The following SHOC2 variants were observed in gnomAD, a reference collection of about 807,000 sequenced individuals.
SHOC2 encodes SHOC2 leucine rich repeat scaffold protein, also known as leucine-rich repeat protein SHOC-2.
A neutral mutation model predicts 50.2 loss-of-function variants in SHOC2; 4 were observed. The ratio of observed to expected loss-of-function variants is 0.08; its 90% CI spans 0.04 to 0.18. The LOEUF (loss-of-function observed/expected upper bound fraction) is 0.18, where lower values mean the gene tolerates loss of function less well. Ranked by LOEUF, SHOC2 falls within the 10% of genes least tolerant of loss-of-function variation. The pLI, the probability that SHOC2 is intolerant of heterozygous loss-of-function variation, is 1.00. For missense variants in SHOC2, 388 were observed against 669.6 expected (o/e 0.58, Z 4.64); for synonymous variants, 218 against 244.5 (o/e 0.89, Z 1.01).
At chr10:110,928,297 A>G (rs1312061885) in intron 1 of SHOC2, among the ~76,000 whole-genome samples, 1 of 152,072 alleles carries the variant, frequency 6.6e-6, no homozygotes, top group African/African-American at 2.4e-5. Context: ...AGCCTGGGCA[A>G]CAAACAAGCA....
At chr10:111,005,968 A>G (rs1476997402) in intron 5 of SHOC2, among the ~76,000 whole-genome samples, 1 of 152,230 alleles carries the variant, frequency 6.6e-6, no homozygotes, top group Non-Finnish European at 1.5e-5. Context: ...TAAGTAAACT[A>G]ATGGAAATTC....
intron 1 of SHOC2, among the ~76,000 whole-genome samples, chr10:110,935,387 A>C (rs1846986784): frequency 6.6e-6 from 1 of 152,224 alleles, no homozygotes; most frequent in Non-Finnish European, 1.5e-5. Context: ...TTGTTGCCTC[A>C]TTCTTTTTAT....
intron 2 of SHOC2, among the ~76,000 whole-genome samples, chr10:110,966,003 G>T (rs1847667761): frequency 6.6e-6 from 1 of 151,956 alleles, no homozygotes; most frequent in Non-Finnish European, 1.5e-5. Context: ...AATTTATTCT[G>T]AGAAAAATAA....
At chr10:111,003,852 G>A (rs757726249) in intron 4 of SHOC2, among the ~76,000 whole-genome samples, 16 of 152,080 alleles carry the variant, frequency 1.1e-4, no homozygotes, top group South Asian at 6.2e-4. Context: ...ATATACGGTC[G>A]TATATTATTT....
At chr10:110,986,140 G>A (rs767223634) in intron 3 of SHOC2, among the ~76,000 whole-genome samples, 3 of 152,064 alleles carry the variant, frequency 2.0e-5, no homozygotes, top group Non-Finnish European at 4.4e-5. Flanking sequence ...TAAAACCATT[G>A]CTATTTAGTT....
At chr10:110,921,463 A>G (rs1846648998) in intron 1 of SHOC2, among the ~76,000 whole-genome samples, 1 of 152,216 alleles carries the variant, frequency 6.6e-6, no homozygotes, top group African/African-American at 2.4e-5. Context: ...ATAAAACAAT[A>G]TTGAAATCCC....
Position 111,011,881 on chromosome 10 carries a change from A to G in SHOC2, c.*63A>G. Reference sequence around the variant, plus strand: ...ACTGCCATTAATGTTTCTTATCTATATCTGTATCTATTTATGTAGATATTG... The same window carrying G: ...ACTGCCATTAATGTTTCTTATCTATGTCTGTATCTATTTATGTAGATATTG... On this transcript the variant is annotated 3_prime_UTR_variant, in exon 9 of 9. Transcript: ENST00000369452. 7.9e-7 allele frequency: 1 copy of G among 1,268,258 alleles called. No homozygotes were observed. The highest frequency in any genetic ancestry group is 1.2e-6 in the Non-Finnish European group (1 of 869,330). The allele number at this position is 1,268,258 out of a possible 1,614,324, so 78.6% of individuals were successfully genotyped here. A position where few individuals can be genotyped will look rare whatever the true frequency, so the allele number is the denominator to read the frequency against.
At chr10:110,983,810 T>C (rs1458968274) in intron 2 of SHOC2, among the ~76,000 whole-genome samples, 1 of 152,196 alleles carries the variant, frequency 6.6e-6, no homozygotes, top group Non-Finnish European at 1.5e-5. Context: ...TGGTTTATAA[T>C]GTTTTCCAGG....
chr10:110,972,004 C>T (rs1242400138), intron 2 of SHOC2, among the ~76,000 whole-genome samples: 1 of 151,584 alleles, frequency 6.6e-6, no homozygotes, highest in African/African-American at 2.4e-5. Flanking sequence ...AATTTAACTC[C>T]TATTATGTAA....
chr10:110,929,812 A>T (rs1483726788), intron 1 of SHOC2, among the ~76,000 whole-genome samples: 1 of 152,204 alleles, frequency 6.6e-6, no homozygotes, highest in Non-Finnish European at 1.5e-5. Flanking sequence ...CAGCATAAGA[A>T]TTTGGGAAGG....
At chr10:110,943,970 C>T (rs918728049) in intron 1 of SHOC2, among the ~76,000 whole-genome samples, 11 of 152,178 alleles carry the variant, frequency 7.2e-5, no homozygotes, top group Admixed American at 5.2e-4. Flanking sequence ...TCGTCTTTTG[C>T]CCCAACTTTG....
Position 110,919,667 on chromosome 10 carries a change from G to T in SHOC2, c.-235+10G>T, listed in dbSNP as rs976167958. 2 of 398,716 alleles carry T rather than the reference G, an allele frequency of 5.0e-6. No individual in the cohort carries two copies. The highest frequency in any genetic ancestry group is 8.8e-6 in the Non-Finnish European group (2 of 226,330). 24.7% of individuals were successfully genotyped at this position (398,716 alleles called of 1,614,324 possible). A position where few individuals can be genotyped will look rare whatever the true frequency, so the allele number is the denominator to read the frequency against. ...GTCGGGGCTCCTGACGGTAACTCGG[G>T]GCCGATGAGGCGGAGGGTGTCTGTT... On this transcript the variant is annotated intron_variant, in intron 1 of 8. Transcript: ENST00000369452.
intron 2 of SHOC2, among the ~76,000 whole-genome samples, chr10:110,983,326 A>G (rs970097027): frequency 6.6e-6 from 1 of 151,764 alleles, no homozygotes; most frequent in Non-Finnish European, 1.5e-5. Context: ...TTATTGATTT[A>G]TACTCTTATT....
intron 3 of SHOC2, chr10:110,989,062 T>C: frequency 2.0e-6 from 1 of 496,458 alleles, no homozygotes; most frequent in South Asian, 1.5e-5. Context: ...TGATATATTA[T>C]TGACTTCTAA....
chr10:110,970,951 A>T (rs1193131811), intron 2 of SHOC2, among the ~76,000 whole-genome samples: 1 of 152,052 alleles, frequency 6.6e-6, no homozygotes, highest in Non-Finnish European at 1.5e-5. Context: ...GTTCTTGTAT[A>T]TTAATCTATT....
Position 111,007,573 on chromosome 10 carries a change from A to G in SHOC2, c.1204A>G (p.Thr402Ala). ...TSLPLDFGTW[T>A]SMVELNLATN... ...ACTTCCCTTGGATTTTGGAACTTGG[A>G]CCAGTATGGTAGAATTGAATTTAGC... Residue 402 changes from threonine (T) to alanine (A), a missense_variant, in exon 6 of 9, where the codon ACC becomes GCC. Physicochemically the swap from Thr to Ala is moderately conservative, Grantham distance 58. This residue lies in a region of SHOC2 where 130 missense variants were observed against 208.6 expected (regional missense o/e 0.62). Coordinates refer to ENST00000369452, the MANE Select transcript of SHOC2 (RefSeq NM_007373.4). The G allele has an allele frequency of 6.2e-7, 1 of 1,613,724 alleles. No homozygotes were observed. The highest frequency in any genetic ancestry group is 1.3e-5 in the African/African-American group (1 of 75,026).
rs763178456 is a variant in SHOC2 at position 110,936,604 on chromosome 10, T to TTTTTTTTTTTTTTA, written c.-235+16947_-235+16948insTTTTTTTTTTTTTA. The TTTTTTTTTTTTTTA allele has an allele frequency of 1.4e-5, 11 of 762,104 alleles. 1 individual carries two copies. The highest frequency in any genetic ancestry group is 1.1e-4 in the East Asian group (4 of 35,420). 47.2% of individuals were successfully genotyped at this position (762,104 alleles called of 1,614,324 possible). On this transcript the variant is annotated intron_variant, in intron 1 of 8. Coordinates refer to ENST00000369452, the MANE Select transcript of SHOC2 (RefSeq NM_007373.4). ...TTTTCTTTTCCTTTTTTTTTTTTTT[T>TTTTTTTTTTTTTTA]AACAGTCTTTATTGGGCTCAGACCA... is the stretch of plus-strand genomic sequence containing the variant.
intron 2 of SHOC2, among the ~76,000 whole-genome samples, chr10:110,981,250 G>C (rs1359532691): frequency 6.6e-6 from 1 of 152,198 alleles, no homozygotes; most frequent in Non-Finnish European, 1.5e-5. Context: ...TAAGTTTCAT[G>C]AATACAAACA....
chr10:110,996,393 G>A (rs1225117268), intron 3 of SHOC2, among the ~76,000 whole-genome samples: 3 of 151,956 alleles, frequency 2.0e-5, no homozygotes, highest in Non-Finnish European at 2.9e-5. Context: ...TGGGTGTGGT[G>A]GTGCATGCCT....
Sources: gnomAD v4.1 joint callset for allele counts (sites outside exome capture counted in the v4.1 genomes callset) on GRCh38, gnomAD v4.1.1 for gene constraint, gnomAD v4.1.1 regional missense constraint, MANE v1.5 for transcripts, NCBI Gene and HGNC (gene_info 2026-07-23, HGNC 2026-07-21) for gene names.